The following CCKAR variants were observed in gnomAD, a reference collection of about 807,000 sequenced individuals.
CCKAR encodes cholecystokinin A receptor, also known as cholecystokinin receptor type A.
In CCKAR, 21 loss-of-function variants were observed where a neutral mutation model predicts 29.8. The ratio of observed to expected loss-of-function variants is 0.70; its 90% CI spans 0.50 to 1.01. The LOEUF is 1.01. Among genes scored for constraint, CCKAR ranks in the 50% least tolerant of loss-of-function variants. The pLI is 0.00. For synonymous variants in CCKAR, 238 were observed against 221.3 expected (o/e 1.08, Z -0.67); for missense variants, 570 against 560.6 (o/e 1.02, Z -0.17).
Position 26,490,323 on chromosome 4 carries a change from G to T in CCKAR, c.-56C>A. 8.5e-7 allele frequency: 1 copy of T among 1,177,606 alleles called. No individual in the cohort carries two copies. The highest frequency in any genetic ancestry group is 1.3e-6 in the Non-Finnish European group (1 of 787,294). The allele number at this position is 1,177,606 out of a possible 1,614,324, so 72.9% of individuals were successfully genotyped here. On this transcript the variant is annotated 5_prime_UTR_variant, in exon 1 of 5. Coordinates refer to ENST00000295589, the MANE Select transcript of CCKAR (RefSeq NM_000730.3). ...AGAGCTGGTGAATTGCTCACTCCCG[G>T]CTCATTCCTCTAATGACCGAAGCGT...
At chr4:26,484,309 G>T (rs1166835065) in intron 3 of CCKAR, among the ~76,000 whole-genome samples, 2 of 152,090 alleles carry the variant, frequency 1.3e-5, no homozygotes, top group African/African-American at 4.8e-5. Flanking sequence ...TAATTCCTTT[G>T]TGTGTGTGCT....
chr4:26,485,519 C>T, intron 3 of CCKAR, 118 bp downstream of exon 3: 1 of 1,074,058 alleles, frequency 9.3e-7, no homozygotes, highest in Non-Finnish European at 1.4e-6. Context: ...GAAAGACCTT[C>T]TCAAAACGTC....
At position 26,482,078 on chromosome 4, in the gene CCKAR, G is replaced by A. The variant is rs200084604; in HGVS notation, c.847C>T (p.Arg283Trp). 9 of 1,614,194 alleles carry A rather than the reference G, an allele frequency of 5.6e-6. No homozygotes were observed. The highest frequency in any genetic ancestry group is 1.1e-5 in the South Asian group (1 of 91,084). Residue 283 changes from arginine to tryptophan, a missense_variant, in exon 5 of 5, where the codon CGG becomes TGG. Physicochemically the swap from Arg to Trp is moderately radical, Grantham distance 101. Coordinates refer to ENST00000295589, the MANE Select transcript of CCKAR (RefSeq NM_000730.3). ...KTRPPRKLEL[R>W]QLSTGSSSRA... ...CTGCTGCTGCCGGTGGACAGCTGCCGGAGCTCCAGCTTCCTCGGGGGCCTG... is the reference window on the plus strand; with the variant it reads ...CTGCTGCTGCCGGTGGACAGCTGCCAGAGCTCCAGCTTCCTCGGGGGCCTG...
chr4:26,483,159 T>C lies in CCKAR; in HGVS notation c.751A>G (p.Lys251Glu), dbSNP rs771612341. Residue 251 changes from lysine to glutamate, a missense_variant, in exon 4 of 5, where the codon AAA (lysine) becomes GAA (glutamate). Transcript: ENST00000295589. ...CACACAGCTACAAGATAGTTACCTTTAGCAGACTTCTTCTGGCTAGCCTCA... is the reference window on the plus strand; with the variant it reads ...CACACAGCTACAAGATAGTTACCTTCAGCAGACTTCTTCTGGCTAGCCTCA... ...KFEASQKKSA[K>E]ERKPSTTSSG... 1.2e-6 allele frequency: 2 copies of C among 1,613,574 alleles called. No homozygotes were observed. The highest frequency in any genetic ancestry group is 1.7e-5 in the Admixed American group (1 of 59,978).
Position 26,490,424 on chromosome 4 carries a change from A to G in CCKAR, c.-157T>C. On this transcript the variant is annotated 5_prime_UTR_variant, in exon 1 of 5. Transcript: ENST00000295589. ...TGTGGGCTTTTTCAGCCATTCCTAA[A>G]GGCGACTTGAGTTCACCTCACTCAC... 1 of 588,332 alleles carries G rather than the reference A, an allele frequency of 1.7e-6. No homozygotes were observed. The highest frequency in any genetic ancestry group is 1.9e-5 in the South Asian group (1 of 52,234). The allele number at this position is 588,332 out of a possible 1,614,324, so 36.4% of individuals were successfully genotyped here. A position where few individuals can be genotyped will look rare whatever the true frequency, so the allele number is the denominator to read the frequency against.
At position 26,485,109 on chromosome 4, in the gene CCKAR, G is replaced by A. The variant is rs1468491955; in HGVS notation, c.626+528C>T. ...CTCAGGAGGCTGAGGCAGGAGAATT[G>A]CTTGAACCCGGGAGGTCGAGGTTGT... On this transcript the variant is annotated intron_variant, in intron 3 of 4. Transcript: ENST00000295589. Among the ~76,000 whole-genome samples, 6 of 151,016 alleles carry A rather than the reference G, an allele frequency of 4.0e-5. No individual in the cohort carries two copies. The South Asian group carries it at 1.3e-3, about 32-fold the overall frequency.
At chr4:26,484,540 T>C (rs2109878896) in intron 3 of CCKAR, among the ~76,000 whole-genome samples, 1 of 152,348 alleles carries the variant, frequency 6.6e-6, no homozygotes, top group Non-Finnish European at 1.5e-5. Context: ...ATATCCACAT[T>C]GTTAACTCCT....
chr4:26,485,194 CA>C (rs11308927), intron 3 of CCKAR, among the ~76,000 whole-genome samples: 34,856 of 105,352 alleles, frequency 0.33, 4,420 homozygotes, highest in East Asian at 0.56. Flanking sequence ...AATTCCGTCT[CA>C]AAAAAAAAAA....
intron 2 of CCKAR, among the ~76,000 whole-genome samples, chr4:26,487,715 T>C (rs897703375): frequency 6.6e-6 from 1 of 152,206 alleles, no homozygotes; most frequent in African/African-American, 2.4e-5. Context: ...ATTAACCTCA[T>C]TTCAAACTGA....
In CCKAR at chr4:26,483,280, G is replaced by A; in HGVS notation, c.630C>T (p.His210=). ...LPNDVMQQSW[H]TFLLLILFLI... ...GAAAGAGGATGAGTAACAGGAATGT[G>A]TGCCTAATGAAATCAAAAGAAATCC... Residue 210 remains histidine (H), a synonymous_variant, in exon 4 of 5, where the codon CAC becomes CAT. Coordinates refer to ENST00000295589, the MANE Select transcript of CCKAR (RefSeq NM_000730.3). The A allele has an allele frequency of 6.2e-7, 1 of 1,611,958 alleles. No homozygotes were observed. The highest frequency in any genetic ancestry group is 1.1e-5 in the South Asian group (1 of 90,290).
intron 4 of CCKAR, 84 bp from the exon 5 acceptor site, chr4:26,482,254 G>T: frequency 7.3e-7 from 1 of 1,364,416 alleles, no homozygotes; most frequent in Non-Finnish European, 1.0e-6. Flanking sequence ...CCTCCATCAA[G>T]AAGTCCAAAC....
Position 26,489,372 on chromosome 4 carries a change from G to T in CCKAR, c.225C>A (p.Val75=), listed in dbSNP as rs199734336. The change falls in exon 2 of 5, where the codon GTC becomes GTA. Residue 75 remains valine, a synonymous_variant. Transcript: ENST00000295589. ...CCAGGGAGAGGAGGAAGATGTTGGT[G>T]ACCGTCCGCATCCGCTTGTTCCGAA... ...VLIRNKRMRT[V]TNIFLLSLAV... is the part of the protein sequence containing the mutation. 1.4e-5 allele frequency: 22 copies of T among 1,614,078 alleles called. No homozygotes were observed. Among genetic ancestry groups the T allele is most frequent in the Non-Finnish European group, 1.9e-5 (22 of 1,180,046 alleles).
Position 26,485,808 on chromosome 4 carries a change from C to T in CCKAR, c.455G>A (p.Trp152Ter), listed in dbSNP as rs745741826. Residue 152 changes from tryptophan (W) to a stop codon, truncating the protein, a stop_gained, in exon 3 of 5, where the codon TGG becomes TAG. Coordinates refer to ENST00000295589, the MANE Select transcript of CCKAR (RefSeq NM_000730.3). LOFTEE classifies it high-confidence loss of function. ...CTTCAAAGCATGGGATTTTGTCTGC[C>T]AGACCCGGGACTGTAAGGGTTTGCA... ...AICKPLQSRV[W>*]QTKSHALKVI... 1.9e-6 allele frequency: 3 copies of T among 1,613,894 alleles called. No homozygotes were observed. Among genetic ancestry groups the T allele is most frequent in the East Asian group, 2.2e-5 (1 of 44,880 alleles).
intron 3 of CCKAR, among the ~76,000 whole-genome samples, chr4:26,483,793 CA>C (rs1373952914): frequency 6.6e-6 from 1 of 152,122 alleles, no homozygotes; most frequent in Non-Finnish European, 1.5e-5. Context: ...ATAATTTGTC[CA>C]AAGTCACACA....
At chr4:26,486,169 C>A (rs1051380741) in intron 2 of CCKAR, among the ~76,000 whole-genome samples, 3 of 152,158 alleles carry the variant, frequency 2.0e-5, no homozygotes, top group Non-Finnish European at 4.4e-5. Flanking sequence ...CACCTAACAC[C>A]TGCTTAGGCT....
At chr4:26,488,979 T>C (rs910819483) in intron 2 of CCKAR, among the ~76,000 whole-genome samples, 1 of 152,134 alleles carries the variant, frequency 6.6e-6, no homozygotes, top group African/African-American at 2.4e-5. Flanking sequence ...ACTGCCCCTG[T>C]GTTTTCCTAT....
intron 4 of CCKAR, 69 bp from the exon 5 acceptor site, chr4:26,482,239 A>G (rs953636554): frequency 1.4e-6 from 2 of 1,448,902 alleles, no homozygotes; most frequent in African/African-American, 2.8e-5. Context: ...TGGAGCCCCC[A>G]CTCCCCTCCA....
At chr4:26,486,644 T>TGGCTGATTACA (rs1307888489) in intron 2 of CCKAR, among the ~76,000 whole-genome samples, 1 of 152,222 alleles carries the variant, frequency 6.6e-6, no homozygotes, top group Non-Finnish European at 1.5e-5. Context: ...CTGGGTGCAG[T>TGGCTGATTACA]GGCTGATGCC....
intron 2 of CCKAR, among the ~76,000 whole-genome samples, chr4:26,486,568 G>A (rs1267083164): frequency 6.6e-6 from 1 of 152,194 alleles, no homozygotes; most frequent in Non-Finnish European, 1.5e-5. Context: ...TGTAGAATGA[G>A]CAAGCATCAC....
Sources: allele counts gnomAD v4.1 joint callset (sites outside exome capture counted in the v4.1 genomes callset), GRCh38; gene constraint gnomAD v4.1.1; transcripts MANE v1.5; gene names NCBI Gene and HGNC (gene_info 2026-07-23, HGNC 2026-07-21).